The following FCHSD1 variants were observed in gnomAD, a reference collection of about 807,000 sequenced individuals.
The protein encoded by FCHSD1 is FCH and double SH3 domains 1.
FCHSD1 carries 109 observed loss-of-function variants against 101.3 expected under a neutral mutation model. The observed-to-expected ratio is 1.08, with a 90% CI of 0.92 to 1.26. The LOEUF (loss-of-function observed/expected upper bound fraction) is 1.26, where lower values mean the gene tolerates loss of function less well. Among genes scored for constraint, FCHSD1 ranks in the 50% most tolerant of loss-of-function variants. The pLI is 0.00. For synonymous variants in FCHSD1, 291 were observed against 356.8 expected, an observed-to-expected ratio of 0.82 and a Z score of 2.08; for missense variants, 820 against 895.8, an observed-to-expected ratio of 0.92 and a Z score of 1.08.
chr5:141,639,643 T>TGGGCAGGTG lies in FCHSD1; in HGVS notation c.*1846_*1854dup. 5.7e-5 allele frequency: 91 copies of TGGGCAGGTG among 1,600,010 alleles called. 1 individual carries two copies. The South Asian group carries it at 9.2e-4, about 16-fold the overall frequency. ...ACAGGGGAGACCACTGTGTTCTCTG[T>TGGGCAGGTG]GGGCAGGTGGGGCAGGTGCTCCAGG... On this transcript the variant is annotated 3_prime_UTR_variant, in exon 20 of 20. Coordinates refer to ENST00000435817, the MANE Select transcript of FCHSD1 (RefSeq NM_033449.3). The surrounding 1 kb of genome is among the most constrained non-coding windows in gnomAD (Gnocchi z 4.4).
chr5:141,641,729 C>T lies in FCHSD1; in HGVS notation c.1980G>A (p.Leu660=), dbSNP rs746027577. 2 of 1,614,072 alleles carry T rather than the reference C, an allele frequency of 1.2e-6. No homozygotes were observed. Among genetic ancestry groups the T allele is most frequent in the East Asian group, 2.2e-5 (1 of 44,884 alleles). Residue 660 remains leucine (L), a synonymous_variant, in exon 19 of 20, where the codon CTG becomes CTA. Transcript: ENST00000435817. ...GDKALDFPGF[L]DMMAPRLRPM... is the part of the protein sequence containing the mutation. ...GCCTGAGTCGAGGTGCCATCATGTC[C>T]AGGAACCCAGGGAAGTCCAGGGCTT...
At position 141,641,774 on chromosome 5, in the gene FCHSD1, C is replaced by T. The variant is rs2099906928; in HGVS notation, c.1952-17G>A. 1.9e-6 allele frequency: 3 copies of T among 1,613,944 alleles called. No homozygotes were observed. The highest frequency in any genetic ancestry group is 2.2e-5 in the South Asian group (2 of 91,052). On this transcript the variant is annotated splice_polypyrimidine_tract_variant and intron_variant, in intron 18 of 19. Transcript: ENST00000435817. ...GGGCTTTGTCTGGAAATAAGAACCA[C>T]AAGTCAGTCTTCAGACTTTGTTTTG...
chr5:141,648,241 CACA>C, intron 7 of FCHSD1, 145 bp from the exon 8 acceptor site: 1 of 1,000,830 alleles, frequency 1.0e-6, no homozygotes, highest in Admixed American at 3.1e-5. Flanking sequence ...GTTGCATACA[CACA>C]ACTCCTGCTC....
At position 141,640,920 on chromosome 5, in the gene FCHSD1, G is replaced by A; in HGVS notation, c.*578C>T. On this transcript the variant is annotated 3_prime_UTR_variant, in exon 20 of 20. Coordinates refer to ENST00000435817, the MANE Select transcript of FCHSD1 (RefSeq NM_033449.3). ...CACCTCGCTCCATATGATAGAGCGT[G>A]GCAGCTGGGAGCAGGCCCCTGCCCG... 1 of 537,556 alleles carries A rather than the reference G, an allele frequency of 1.9e-6. No homozygotes were observed. 33.3% of individuals were successfully genotyped at this position (537,556 alleles called of 1,614,324 possible).
At position 141,651,119 on chromosome 5, in the gene FCHSD1, T is replaced by G. The variant is rs1435940703; in HGVS notation, c.22-2A>C. 2 of 1,580,394 alleles carry G rather than the reference T, an allele frequency of 1.3e-6. No homozygotes were observed. Among genetic ancestry groups the G allele is most frequent in the Non-Finnish European group, 1.7e-6 (2 of 1,162,712 alleles). On this transcript the variant is annotated splice_acceptor_variant, in intron 1 of 19. Transcript: ENST00000435817. LOFTEE classifies it high-confidence loss of function. ...CTTCACCTCCTGGGCCGGCTTCACC[T>G]GTGGGGGCAAAGAGAGGATGAAGAC...
chr5:141,650,982 C>T, intron 2 of FCHSD1, 38 bp downstream of exon 2: 1 of 1,534,846 alleles, frequency 6.5e-7, no homozygotes, highest in Non-Finnish European at 8.8e-7. Context: ...CGCACAACGA[C>T]GAAGGTGAGT....
intron 18 of FCHSD1, 50 bp downstream of exon 18, chr5:141,642,951 C>T (rs1011582005): frequency 6.5e-7 from 1 of 1,527,126 alleles, no homozygotes. Context: ...CAAGCTTCCT[C>T]CTTCTTCCTG....
chr5:141,651,075 G>A lies in FCHSD1; in HGVS notation c.64C>T (p.Leu22=). 2 of 1,598,630 alleles carry A rather than the reference G, an allele frequency of 1.3e-6. No homozygotes were observed. The highest frequency in any genetic ancestry group is 1.7e-4 in the Middle Eastern group (1 of 6,050). ...TGCTGCCAGGTCTGAAGGATGCTCA[G>A]CTGTTCCAGGAAGCGAAGCTTCACC... The part of the protein sequence containing the change: ...QEVKLRFLEQ[L]SILQTWQQRE... The change falls in exon 2 of 20, where the codon CTG becomes TTG. Residue 22 remains leucine, a synonymous_variant. Coordinates refer to ENST00000435817, the MANE Select transcript of FCHSD1 (RefSeq NM_033449.3).
intron 13 of FCHSD1, 24 bp from the exon 14 acceptor site, chr5:141,645,172 C>T: frequency 6.6e-7 from 1 of 1,520,220 alleles, no homozygotes. Flanking sequence ...GAACAGACCT[C>T]ATATGGGGCC....
At chr5:141,645,224 C>T (rs999372012) in intron 13 of FCHSD1, 76 bp from the exon 14 acceptor site, 1 of 1,508,108 alleles carries the variant, frequency 6.6e-7, no homozygotes, top group African/African-American at 1.4e-5. Context: ...TTCCATCTTT[C>T]CTCTAAAGGA....
chr5:141,644,832 G>A, intron 15 of FCHSD1, 27 bp downstream of exon 15: 1 of 1,611,308 alleles, frequency 6.2e-7, no homozygotes, highest in South Asian at 1.1e-5. Flanking sequence ...CCCAACCCAA[G>A]GTCAGAGCCC....
chr5:141,644,078 A>G (rs2099907341), intron 17 of FCHSD1, 140 bp downstream of exon 17: 2 of 804,830 alleles, frequency 2.5e-6, no homozygotes, highest in Non-Finnish European at 3.9e-6. Context: ...CTGCCCCCCC[A>G]TAGGAGATGG....
Position 141,649,870 on chromosome 5 carries a change from C to T in FCHSD1, c.233+17G>A, listed in dbSNP as rs1325666244. 2 of 1,544,500 alleles carry T rather than the reference C, an allele frequency of 1.3e-6. No individual in the cohort carries two copies. The highest frequency in any genetic ancestry group is 1.7e-6 in the Non-Finnish European group (2 of 1,145,514). On this transcript the variant is annotated intron_variant, in intron 4 of 19. Transcript: ENST00000435817. The surrounding 1 kb of genome is among the most constrained non-coding windows in gnomAD (Gnocchi z 4.1). ...CACTTTTTGGCCTCTGTGGCCCTCC[C>T]CCTCCATAGGGCCCACCTGCTGTCC...
Position 141,644,919 on chromosome 5 carries a change from T to C in FCHSD1, c.1464A>G (p.Thr488=), listed in dbSNP as rs747658757. 57 of 1,613,812 alleles carry C rather than the reference T, an allele frequency of 3.5e-5. No homozygotes were observed. The highest frequency in any genetic ancestry group is 4.7e-5 in the Non-Finnish European group (55 of 1,179,876). The stretch of plus-strand genomic sequence containing the variant: ...CCTCCAGCCACTCACCCTCCGTGAT[T>C]GTCAGCTCATCCTCACGCCCTGCCT... ...RYQAGREDEL[T]ITEGEWLEVI... is the part of the protein sequence containing the mutation. Residue 488 remains threonine, a synonymous_variant, in exon 15 of 20, where the codon ACA becomes ACG. Transcript: ENST00000435817.
chr5:141,650,456 C>G, intron 2 of FCHSD1, 52 bp from the exon 3 acceptor site: 2 of 1,612,378 alleles, frequency 1.2e-6, no homozygotes, highest in Non-Finnish European at 1.7e-6. Context: ...TATGTTTGGT[C>G]CTGTTCTCCC....
At position 141,647,125 on chromosome 5, in the gene FCHSD1, A is replaced by C; in HGVS notation, c.924+10T>G. On this transcript the variant is annotated intron_variant, in intron 10 of 19. Coordinates refer to ENST00000435817, the MANE Select transcript of FCHSD1 (RefSeq NM_033449.3). ...ATGTGGCCTGGTTCCAACAAGCAGG[A>C]AGATCTCACCTGATCAGTCCCTGCT... 2.5e-6 allele frequency: 4 copies of C among 1,595,852 alleles called. No individual in the cohort carries two copies. The highest frequency in any genetic ancestry group is 3.4e-6 in the Non-Finnish European group (4 of 1,170,478).
Position 141,649,040 on chromosome 5 carries a change from G to A in FCHSD1, c.513-20C>T, listed in dbSNP as rs764573043. 6.2e-7 allele frequency: 1 copy of A among 1,613,956 alleles called. No individual in the cohort carries two copies. Among genetic ancestry groups the A allele is most frequent in the South Asian group, 1.1e-5 (1 of 91,084 alleles). On this transcript the variant is annotated intron_variant, in intron 6 of 19. Transcript: ENST00000435817. This position sits in a 1 kb window ranked among gnomAD's most constrained non-coding sequence, Gnocchi z 4.1. ...TTTAGCCTGTGCAGATGAGAGAAAG[G>A]AGTCAGGCCCACCCCAAGTGGGAGA...
intron 9 of FCHSD1, 54 bp downstream of exon 9, chr5:141,647,344 G>T: frequency 6.4e-7 from 1 of 1,573,414 alleles, no homozygotes; most frequent in Non-Finnish European, 8.6e-7. Flanking sequence ...GCTGCATTGG[G>T]AGGGAAGGGT....
intron 17 of FCHSD1, among the ~76,000 whole-genome samples, chr5:141,643,929 A>ATT (rs919087467): frequency 5.3e-5 from 8 of 152,048 alleles, no homozygotes; most frequent in Non-Finnish European, 1.2e-4. Context: ...TATTATCCCC[A>ATT]TTTTACATGT....
Sources: allele counts gnomAD v4.1 joint callset (sites outside exome capture counted in the v4.1 genomes callset), GRCh38; gene constraint gnomAD v4.1.1; non-coding constraint Gnocchi (gnomAD v3.1); transcripts MANE v1.5; gene names NCBI Gene and HGNC (gene_info 2026-07-23, HGNC 2026-07-21).